The following KIF26B variants were observed in gnomAD, a reference collection of about 807,000 sequenced individuals.
KIF26B encodes the protein kinesin family member 26B.
In KIF26B, 63 loss-of-function variants were observed where a neutral mutation model predicts 151.2. The observed-to-expected ratio is 0.42, with a 90% CI of 0.34 to 0.51. The LOEUF is 0.51. KIF26B is among the 20% of genes least tolerant of loss of function. The pLI is 0.07. For synonymous variants in KIF26B, 1,357 were observed against 1,262.1 expected, an observed-to-expected ratio of 1.08 and a Z score of -1.59; for missense variants, 2,813 against 2,913.6, an observed-to-expected ratio of 0.97 and a Z score of 0.79.
intron 5 of KIF26B, among the ~76,000 whole-genome samples, chr1:245,562,594 C>T (rs921790415): frequency 2.0e-5 from 3 of 150,652 alleles, no homozygotes; most frequent in African/African-American, 7.3e-5. Context: ...CCCCGCCCCC[C>T]CCTTCCCCCA....
intron 4 of KIF26B, among the ~76,000 whole-genome samples, chr1:245,510,417 A>G (rs1258314046): frequency 6.6e-6 from 1 of 152,192 alleles, no homozygotes; most frequent in Non-Finnish European, 1.5e-5. Context: ...TTGTCTGCAC[A>G]TACGTGGCTA....
intron 2 of KIF26B, among the ~76,000 whole-genome samples, chr1:245,207,859 C>G (rs1241313764): frequency 6.6e-6 from 1 of 152,120 alleles, no homozygotes; most frequent in Non-Finnish European, 1.5e-5. Context: ...AGTTCCTTAC[C>G]AGGTGCAAAC....
intron 2 of KIF26B, among the ~76,000 whole-genome samples, chr1:245,246,944 C>T (rs935513293): frequency 5.5e-5 from 8 of 145,426 alleles, no homozygotes; most frequent in Non-Finnish European, 1.1e-4. Flanking sequence ...CACACAGATA[C>T]AGACACACAC....
At chr1:245,338,588 C>G (rs1242564875) in intron 2 of KIF26B, among the ~76,000 whole-genome samples, 1 of 152,222 alleles carries the variant, frequency 6.6e-6, no homozygotes, top group Non-Finnish European at 1.5e-5. Flanking sequence ...ATACGCATTT[C>G]TGTGTGGTAG....
intron 9 of KIF26B, among the ~76,000 whole-genome samples, chr1:245,622,733 G>C (rs1558240746): frequency 6.6e-6 from 1 of 152,176 alleles, no homozygotes; most frequent in Non-Finnish European, 1.5e-5. Context: ...AGGCAGGCCA[G>C]GTATGAGGCT....
In KIF26B at chr1:245,540,719, T is replaced by C. The variant is rs766319181; in HGVS notation, c.1167-48T>C. On this transcript the variant is annotated intron_variant, in intron 4 of 14. Transcript: ENST00000407071. The surrounding 1 kb of genome is among the most constrained non-coding windows in gnomAD (Gnocchi z 4.6). ...GAGAAAACGAAGTAAGCCTAGCAGATCTGATCGTACAATCATTTTCCCCTT... is the reference window on the plus strand; with the variant it reads ...GAGAAAACGAAGTAAGCCTAGCAGACCTGATCGTACAATCATTTTCCCCTT... 1.3e-6 allele frequency: 2 copies of C among 1,525,792 alleles called. No homozygotes were observed. The highest frequency in any genetic ancestry group is 1.1e-5 in the South Asian group (1 of 89,312). 94.5% of individuals were successfully genotyped at this position (1,525,792 alleles called of 1,614,324 possible).
intron 5 of KIF26B, among the ~76,000 whole-genome samples, chr1:245,594,966 G>A (rs577279797): frequency 8.2e-6 from 1 of 122,652 alleles, no homozygotes; most frequent in South Asian, 2.5e-4. Context: ...TTGGCTCTCT[G>A]TCTATTACTG....
intron 4 of KIF26B, among the ~76,000 whole-genome samples, chr1:245,508,401 C>G (rs778822713): frequency 1.3e-5 from 2 of 152,072 alleles, no homozygotes; most frequent in Non-Finnish European, 2.9e-5. Context: ...CCACCACGCC[C>G]GGCTAATTTT....
intron 4 of KIF26B, among the ~76,000 whole-genome samples, chr1:245,460,272 T>C (rs1378834644): frequency 6.6e-6 from 1 of 151,868 alleles, no homozygotes; most frequent in African/African-American, 2.4e-5. Context: ...GGCCCAGAGG[T>C]TTGTTTTTTT....
chr1:245,212,395 C>T (rs771900954), intron 2 of KIF26B, among the ~76,000 whole-genome samples: 1 of 152,182 alleles, frequency 6.6e-6, no homozygotes, highest in Admixed American at 6.5e-5. Flanking sequence ...ACGTGATGGG[C>T]GCAAACCCCT....
At chr1:245,678,690 C>T (rs186178869) in intron 10 of KIF26B, among the ~76,000 whole-genome samples, 19 of 151,698 alleles carry the variant, frequency 1.3e-4, no homozygotes, top group East Asian at 9.7e-4. Flanking sequence ...GGTGAAATCC[C>T]GTCTCTACTA....
chr1:245,211,458 G>T (rs1573710787), intron 2 of KIF26B, among the ~76,000 whole-genome samples: 1 of 151,962 alleles, frequency 6.6e-6, no homozygotes, highest in South Asian at 2.1e-4. Flanking sequence ...GGAGTGCGGT[G>T]GCCCAATCAG....
rs188460705 is a variant in KIF26B at position 245,506,932 on chromosome 1, G to A, written c.1167-33835G>A. Among the ~76,000 whole-genome samples the A allele has an allele frequency of 2.2e-3, 339 of 152,214 alleles. 2 individuals carry two copies. The highest frequency in any genetic ancestry group is 7.5e-3 in the African/African-American group (313 of 41,540). On this transcript the variant is annotated intron_variant, in intron 4 of 14. Transcript: ENST00000407071. ...TGAGCTCAGGTGATCCACCCACGTCGGCCTCCCAAGGTGCTGGGATTACAG... is the reference window on the plus strand; with the variant it reads ...TGAGCTCAGGTGATCCACCCACGTCAGCCTCCCAAGGTGCTGGGATTACAG...
intron 3 of KIF26B, among the ~76,000 whole-genome samples, chr1:245,410,598 T>C (rs1674254869): frequency 6.6e-6 from 1 of 152,140 alleles, no homozygotes; most frequent in South Asian, 2.1e-4. Context: ...TACAGGCGCG[T>C]GCCACCATGC....
rs753493331 is a variant in KIF26B at position 245,602,672 on chromosome 1, C to A, written c.1446C>A (p.Thr482=). ...TGGACCCACGGAAGAAGCAGATCAC[C>A]TTGTACGATCCCCTGACTTGTGGAG... ...LKVDPRKKQI[T]LYDPLTCGGQ... Residue 482 remains threonine, a synonymous_variant, in exon 6 of 15, where the codon ACC becomes ACA. Coordinates refer to ENST00000407071, the MANE Select transcript of KIF26B (RefSeq NM_018012.4). This position sits in a 1 kb window ranked among gnomAD's most constrained non-coding sequence, Gnocchi z 4.5. 3.1e-6 allele frequency: 5 copies of A among 1,613,922 alleles called. No individual in the cohort carries two copies. The highest frequency in any genetic ancestry group is 1.6e-4 in the Middle Eastern group (1 of 6,084).
At chr1:245,700,030 T>G (rs867494892) in intron 14 of KIF26B, among the ~76,000 whole-genome samples, 3 of 152,222 alleles carry the variant, frequency 2.0e-5, no homozygotes, top group African/African-American at 7.2e-5. Flanking sequence ...CAGCTGCCTC[T>G]CCACAGGGAT....
At chr1:245,504,124 A>C (rs1434987634) in intron 4 of KIF26B, among the ~76,000 whole-genome samples, 1 of 152,048 alleles carries the variant, frequency 6.6e-6, no homozygotes. Flanking sequence ...CAAGGCCAGG[A>C]GGTCAGTGCC....
chr1:245,594,845 G>A (rs1004343195), intron 5 of KIF26B, among the ~76,000 whole-genome samples: 9 of 152,066 alleles, frequency 5.9e-5, no homozygotes, highest in Admixed American at 2.0e-4. Flanking sequence ...TTATTTTCTT[G>A]AGCAGTGGTT....
chr1:245,232,613 C>G (rs114602453), intron 2 of KIF26B, among the ~76,000 whole-genome samples: 2,769 of 148,216 alleles, frequency 0.019, 33 homozygotes, highest in Non-Finnish European at 0.027. Flanking sequence ...TACAGTGGTG[C>G]GATCTCAGCT....
Sources: allele counts gnomAD v4.1 joint callset (sites outside exome capture counted in the v4.1 genomes callset), GRCh38; gene constraint gnomAD v4.1.1; non-coding constraint Gnocchi (gnomAD v3.1); transcripts MANE v1.5; gene names NCBI Gene and HGNC (gene_info 2026-07-23, HGNC 2026-07-21).